Variants in GPC3 observed in about 807,000 individuals in gnomAD.
The protein encoded by GPC3 is glypican-3.
Under a neutral mutation model 34.4 loss-of-function variants are expected in GPC3, and 3 were observed. That is an observed-to-expected ratio of 0.09 (90% CI 0.04 to 0.23). The LOEUF is 0.23. Ranked by LOEUF, GPC3 falls within the 10% of genes least tolerant of loss-of-function variation. The pLI is 1.00. For missense variants in GPC3, 351 were observed against 445.6 expected, an observed-to-expected ratio of 0.79 and a Z score of 1.91; for synonymous variants, 177 against 174.0, an observed-to-expected ratio of 1.02 and a Z score of -0.13.
At chrX:133,550,019 G>A (rs900897457) in intron 7 of GPC3, among the ~76,000 whole-genome samples, 1 of 106,449 alleles carries the variant, frequency 9.4e-6, no homozygotes. Context: ...CTGTTTGTTT[G>A]TTTTGTTTTT....
chrX:133,700,291 G>T (rs180889025), intron 3 of GPC3, among the ~76,000 whole-genome samples: 3 of 111,708 alleles, frequency 2.7e-5, no homozygotes, highest in Non-Finnish European at 5.6e-5. Context: ...CTACAGTGAA[G>T]TATACATTTG....
chrX:133,912,296 G>A (rs931073577), intron 2 of GPC3, among the ~76,000 whole-genome samples: 23 of 112,288 alleles, frequency 2.0e-4, no homozygotes, highest in African/African-American at 6.5e-4. Context: ...GGAAGGTCCC[G>A]TTTGGGAAGA....
chrX:133,684,720 AAACAAC>A (rs972968398), intron 5 of GPC3, among the ~76,000 whole-genome samples: 5 of 111,087 alleles, frequency 4.5e-5, no homozygotes, highest in Admixed American at 9.7e-5. Flanking sequence ...ATAAATTAAA[AAACAAC>A]AACAACAACA....
intron 2 of GPC3, among the ~76,000 whole-genome samples, chrX:133,903,852 C>T (rs938492601): frequency 7.2e-5 from 8 of 111,011 alleles, no homozygotes; most frequent in African/African-American, 2.3e-4. Flanking sequence ...CGACCCTGAC[C>T]GAGATGTACT....
At chrX:133,985,055 A>G (rs1194621913) in intron 1 of GPC3, among the ~76,000 whole-genome samples, 2 of 111,710 alleles carry the variant, frequency 1.8e-5, no homozygotes, top group Non-Finnish European at 3.8e-5. Context: ...ACCTTCCCTG[A>G]CAGCAGCGTG....
At chrX:133,650,201 A>G (rs1054112288) in intron 6 of GPC3, among the ~76,000 whole-genome samples, 1 of 111,744 alleles carries the variant, frequency 8.9e-6, no homozygotes, top group African/African-American at 3.3e-5. Flanking sequence ...ATCTTCAACC[A>G]GAGAGCAAAA....
chrX:133,757,238 A>G (rs2124482942), intron 2 of GPC3, among the ~76,000 whole-genome samples: 1 of 111,944 alleles, frequency 8.9e-6, no homozygotes, highest in South Asian at 3.7e-4. Flanking sequence ...GGGTTAATAC[A>G]TGTCCTAATA....
chrX:133,805,156 A>T (rs776166504), intron 2 of GPC3, among the ~76,000 whole-genome samples: 3 of 112,302 alleles, frequency 2.7e-5, no homozygotes, highest in Non-Finnish European at 5.6e-5. Context: ...TTGTTTAATT[A>T]TCTGATTATT....
chrX:133,556,409 G>A (rs1327381799), intron 7 of GPC3, among the ~76,000 whole-genome samples: 4 of 111,203 alleles, frequency 3.6e-5, no homozygotes, highest in Non-Finnish European at 7.5e-5. Flanking sequence ...GTTCATACAT[G>A]TGGAACTACC....
chrX:133,866,580 C>T (rs972487311), intron 2 of GPC3, among the ~76,000 whole-genome samples: 4 of 112,025 alleles, frequency 3.6e-5, no homozygotes, highest in African/African-American at 1.3e-4. Context: ...ATTATCTTAA[C>T]CTACAGTAAC....
intron 2 of GPC3, among the ~76,000 whole-genome samples, chrX:133,788,088 T>TTTTATA (rs1291090668): frequency 9.2e-5 from 6 of 64,945 alleles, no homozygotes; most frequent in African/African-American, 2.8e-4. Context: ...TCATATTATT[T>TTTTATA]TATATATATA....
intron 2 of GPC3, among the ~76,000 whole-genome samples, chrX:133,858,465 T>C (rs1056669322): frequency 1.8e-5 from 2 of 111,734 alleles, no homozygotes; most frequent in Admixed American, 9.5e-5. Context: ...ATCTACCATA[T>C]CTACCATATT....
chrX:133,802,346 TAACAAC>T (rs34458608), intron 2 of GPC3, among the ~76,000 whole-genome samples: 33 of 109,456 alleles, frequency 3.0e-4, no homozygotes, highest in African/African-American at 4.1e-4. Context: ...GACATTATAT[TAACAAC>T]AACAACAACA....
intron 2 of GPC3, among the ~76,000 whole-genome samples, chrX:133,791,222 G>T (rs1319367450): frequency 9.0e-6 from 1 of 111,436 alleles, no homozygotes; most frequent in African/African-American, 3.3e-5. Context: ...GTGGTTGAGG[G>T]GATAGCAAGT....
chrX:133,881,321 G>GA (rs1018472627), intron 2 of GPC3, among the ~76,000 whole-genome samples: 2 of 111,535 alleles, frequency 1.8e-5, no homozygotes, highest in Non-Finnish European at 3.8e-5. Flanking sequence ...CTTTAAATGA[G>GA]AAAAAAATCC....
At chrX:133,579,890 C>T (rs2069718501) in intron 7 of GPC3, among the ~76,000 whole-genome samples, 1 of 112,259 alleles carries the variant, frequency 8.9e-6, no homozygotes, top group Non-Finnish European at 1.9e-5. Context: ...AACAGGTCAG[C>T]ATGTGCAGAA....
intron 2 of GPC3, among the ~76,000 whole-genome samples, chrX:133,817,215 C>T (rs2075696351): frequency 9.0e-6 from 1 of 111,295 alleles, no homozygotes; most frequent in Non-Finnish European, 1.9e-5. Context: ...CTCTCTTCTT[C>T]CCTTCTTACT....
rs369499391 is a variant in GPC3 at position 133,642,591 on chromosome X, G to A, written c.1413+19139C>T. On this transcript the variant is annotated intron_variant, in intron 6 of 7. Coordinates refer to ENST00000370818, the MANE Select transcript of GPC3 (RefSeq NM_004484.4). ...GTTCAAGACCAACCTGACCAACATGGAGAAACCCCGTCTCTACTAAAAATA... is the reference window on the plus strand; with the variant it reads ...GTTCAAGACCAACCTGACCAACATGAAGAAACCCCGTCTCTACTAAAAATA... Among the ~76,000 whole-genome samples the A allele has an allele frequency of 3.7e-5, 4 of 109,535 alleles. No homozygotes were observed. In the East Asian group the frequency reaches 1.1e-3, roughly 31 times the overall value.
intron 1 of GPC3, among the ~76,000 whole-genome samples, chrX:133,962,938 T>G (rs991127517): frequency 6.3e-5 from 7 of 111,667 alleles, no homozygotes; most frequent in Non-Finnish European, 1.1e-4. Context: ...TGTGTGACTT[T>G]ATCAAGTGTG....
Sources: allele counts gnomAD v4.1 joint callset (sites outside exome capture counted in the v4.1 genomes callset), GRCh38; gene constraint gnomAD v4.1.1; transcripts MANE v1.5; gene names NCBI Gene and HGNC (gene_info 2026-07-23, HGNC 2026-07-21).